The following ADCY8 variants were observed in gnomAD, a reference collection of about 807,000 sequenced individuals.
The protein encoded by ADCY8 is adenylate cyclase 8.
Under a neutral mutation model 119.7 loss-of-function variants are expected in ADCY8, and 51 were observed. The observed-to-expected ratio is 0.43, with a 90% confidence interval of 0.34 to 0.54. The LOEUF (loss-of-function observed/expected upper bound fraction) is 0.54. Among genes scored for constraint, ADCY8 ranks in the 20% least tolerant of loss-of-function variants. The pLI, the probability that ADCY8 is intolerant of heterozygous loss-of-function variation, is 0.03. For synonymous variants in ADCY8, 665 were observed against 651.0 expected, an observed-to-expected ratio of 1.02 and a Z score of -0.33; for missense variants, 1,383 against 1,598.8, an observed-to-expected ratio of 0.87 and a Z score of 2.30.
intron 1 of ADCY8, among the ~76,000 whole-genome samples, chr8:131,020,325 A>G (rs986596786): frequency 3.9e-5 from 6 of 152,276 alleles, no homozygotes; most frequent in African/African-American, 4.8e-5. Context: ...GAGGACCAGT[A>G]TCTTCTGCTC....
At chr8:130,902,521 A>T (rs1244906492) in intron 7 of ADCY8, among the ~76,000 whole-genome samples, 1 of 152,224 alleles carries the variant, frequency 6.6e-6, no homozygotes, top group African/African-American at 2.4e-5. Flanking sequence ...TCCCAGTGGA[A>T]TCTGGCCCAT....
chr8:130,887,931 T>G (rs1044155423), intron 7 of ADCY8, among the ~76,000 whole-genome samples: 4 of 152,190 alleles, frequency 2.6e-5, no homozygotes, highest in African/African-American at 9.6e-5. Flanking sequence ...CTTGTCTTAT[T>G]TGTCTATTTA....
intron 8 of ADCY8, among the ~76,000 whole-genome samples, chr8:130,879,232 G>T (rs1370994571): frequency 6.6e-6 from 1 of 152,136 alleles, no homozygotes; most frequent in African/African-American, 2.4e-5. Context: ...AAGGGCCCAA[G>T]ATAAGTGATC....
intron 4 of ADCY8, among the ~76,000 whole-genome samples, chr8:130,939,857 A>G (rs974483637): frequency 2.6e-5 from 4 of 152,204 alleles, no homozygotes; most frequent in Non-Finnish European, 5.9e-5. Flanking sequence ...AACTCTGAAC[A>G]TGGCAGAGCA....
chr8:130,905,583 G>T (rs1819756481), intron 6 of ADCY8, among the ~76,000 whole-genome samples: 1 of 152,152 alleles, frequency 6.6e-6, no homozygotes, highest in Admixed American at 6.5e-5. Flanking sequence ...AATTTAGAGT[G>T]GCTTTTAAAA....
chr8:130,934,650 G>A (rs576304262), intron 5 of ADCY8, among the ~76,000 whole-genome samples: 1 of 152,268 alleles, frequency 6.6e-6, no homozygotes, highest in African/African-American at 2.4e-5. Context: ...GTCCAAATTA[G>A]CAGTTAAAAA....
chr8:130,834,111 C>T (rs1816917325), intron 12 of ADCY8, among the ~76,000 whole-genome samples: 1 of 152,082 alleles, frequency 6.6e-6, no homozygotes, highest in African/African-American at 2.4e-5. Flanking sequence ...TTGATGTAGC[C>T]ATTCTACCAC....
At chr8:130,909,943 T>TC (rs1371465099) in intron 5 of ADCY8, 77 bp from the exon 6 acceptor site, 127 of 1,224,838 alleles carry the variant, frequency 1.0e-4, no homozygotes, top group Non-Finnish European at 1.4e-4. Flanking sequence ...TTCTTTTCTT[T>TC]TTTTTTTTTT....
intron 1 of ADCY8, among the ~76,000 whole-genome samples, chr8:131,023,056 G>C (rs1025873534): frequency 6.6e-6 from 1 of 152,164 alleles, no homozygotes; most frequent in Non-Finnish European, 1.5e-5. Flanking sequence ...ACTCTAGCTA[G>C]GTTAAACTCT....
intron 1 of ADCY8, among the ~76,000 whole-genome samples, chr8:131,006,643 C>T (rs1322421276): frequency 6.6e-6 from 1 of 152,172 alleles, no homozygotes; most frequent in Non-Finnish European, 1.5e-5. Flanking sequence ...GTCACAATCC[C>T]TGGTGGCTTA....
In ADCY8 at chr8:130,990,591, A is replaced by G. The variant is rs1554623135; in HGVS notation, c.961-49T>C. 4.4e-6 allele frequency: 7 copies of G among 1,589,286 alleles called. No individual in the cohort carries two copies. In the South Asian group the frequency reaches 7.9e-5, roughly 18 times the overall value. ...GGCGCTTAAAACAAAAGCTATTTAC[A>G]AGCAACAATAAAATACACAAATAAA... On this transcript the variant is annotated intron_variant, in intron 1 of 17. Coordinates refer to ENST00000286355, the MANE Select transcript of ADCY8 (RefSeq NM_001115.3).
chr8:130,787,660 A>C (rs1386976721), intron 15 of ADCY8, among the ~76,000 whole-genome samples: 1 of 140,408 alleles, frequency 7.1e-6, no homozygotes, highest in African/African-American at 2.5e-5. Flanking sequence ...TGCATGTGTG[A>C]TGTTTATGTG....
At chr8:130,831,310 C>G (rs1030322289) in intron 12 of ADCY8, among the ~76,000 whole-genome samples, 8 of 152,152 alleles carry the variant, frequency 5.3e-5, no homozygotes, top group Admixed American at 1.3e-4. Context: ...TAAGTGCTTA[C>G]TATATGAACA....
intron 2 of ADCY8, among the ~76,000 whole-genome samples, chr8:130,957,661 A>T (rs1471780948): frequency 6.6e-6 from 1 of 152,156 alleles, no homozygotes; most frequent in Non-Finnish European, 1.5e-5. Context: ...AAATGGTTTA[A>T]TGGGCCAGGC....
At chr8:130,950,746 C>A (rs1393520860) in intron 3 of ADCY8, among the ~76,000 whole-genome samples, 2 of 152,166 alleles carry the variant, frequency 1.3e-5, no homozygotes, top group African/African-American at 4.8e-5. Context: ...TGTTGCCAGG[C>A]TGGAGTTCAG....
intron 8 of ADCY8, among the ~76,000 whole-genome samples, chr8:130,872,838 T>C (rs571809841): frequency 2.0e-5 from 3 of 152,206 alleles, no homozygotes; most frequent in Non-Finnish European, 4.4e-5. Flanking sequence ...AAATTCCTGT[T>C]TGATTTGATG....
At chr8:131,030,711 C>T (rs1823970302) in intron 1 of ADCY8, among the ~76,000 whole-genome samples, 1 of 152,212 alleles carries the variant, frequency 6.6e-6, no homozygotes, top group Non-Finnish European at 1.5e-5. Flanking sequence ...ACCCAGCAGG[C>T]AGTCAACAAA....
At chr8:131,004,590 C>T (rs1271473860) in intron 1 of ADCY8, among the ~76,000 whole-genome samples, 2 of 152,218 alleles carry the variant, frequency 1.3e-5, no homozygotes, top group African/African-American at 4.8e-5. Flanking sequence ...GTGCTTTGCA[C>T]AGTGCTCGCA....
At chr8:130,924,533 C>T (rs1820405006) in intron 5 of ADCY8, among the ~76,000 whole-genome samples, 1 of 152,156 alleles carries the variant, frequency 6.6e-6, no homozygotes, top group Admixed American at 6.5e-5. Flanking sequence ...CACTAGACCA[C>T]CCCATATGTA....
Sources: gnomAD v4.1 joint callset for allele counts (sites outside exome capture counted in the v4.1 genomes callset) on GRCh38, gnomAD v4.1.1 for gene constraint, MANE v1.5 for transcripts, NCBI Gene and HGNC (gene_info 2026-07-23, HGNC 2026-07-21) for gene names.